Variants in LY96 observed in about 807,000 individuals in gnomAD.
LY96 encodes the protein myeloid differentiation protein-2.
In LY96, 18 loss-of-function variants were observed where a neutral mutation model predicts 18.9. The ratio of observed to expected loss-of-function variants is 0.95; its 90% CI spans 0.66 to 1.41. LY96 has a LOEUF of 1.41. Ranked by LOEUF, LY96 falls within the 40% of genes most tolerant of loss-of-function variation. The pLI, the probability that LY96 is intolerant of heterozygous loss-of-function variation, is 0.00. For missense variants in LY96, 175 were observed against 182.4 expected (o/e 0.96, Z 0.23); for synonymous variants, 66 against 62.6 (o/e 1.06, Z -0.26).
At chr8:74,089,873 A>G in the LY96 span, among the ~76,000 whole-genome samples, 1 of 152,116 alleles carries the variant, frequency 6.6e-6, no homozygotes, top group Non-Finnish European at 1.5e-5. Flanking sequence ...TGTGTCATGT[A>G]GGCATCTGAG....
At chr8:74,087,844 GT>G in the LY96 span, among the ~76,000 whole-genome samples, 1 of 152,096 alleles carries the variant, frequency 6.6e-6, no homozygotes, top group African/African-American at 2.4e-5. Flanking sequence ...CAAATTATTA[GT>G]TGGGCTCAAC....
intron 3 of LY96, among the ~76,000 whole-genome samples, chr8:74,024,637 G>T (rs1359554912): frequency 6.6e-6 from 1 of 151,958 alleles, no homozygotes; most frequent in African/African-American, 2.4e-5. Context: ...TAAGTGACTG[G>T]CCTAAAGTTA....
chr8:74,054,402 T>A, the LY96 span, among the ~76,000 whole-genome samples: 23 of 152,178 alleles, frequency 1.5e-4, no homozygotes, highest in Non-Finnish European at 2.4e-4. Context: ...GGAGGCTTAT[T>A]ATCTTATGCA....
the LY96 span, among the ~76,000 whole-genome samples, chr8:74,069,673 G>T: frequency 1.5e-4 from 23 of 152,046 alleles, no homozygotes; most frequent in Non-Finnish European, 3.4e-4. Context: ...TGCCATCTTG[G>T]CTCACTGCAA....
chr8:74,068,578 A>T, the LY96 span, among the ~76,000 whole-genome samples: 8 of 152,198 alleles, frequency 5.3e-5, no homozygotes, highest in African/African-American at 1.9e-4. Context: ...TCTCACCAGC[A>T]GTGTATGCTT....
intron 3 of LY96, among the ~76,000 whole-genome samples, chr8:74,013,117 C>A (rs936177201): frequency 6.6e-6 from 1 of 151,826 alleles, no homozygotes; most frequent in African/African-American, 2.4e-5. Context: ...TCACCATGTC[C>A]AGCTAATTTT....
chr8:74,043,594 A>C, the LY96 span, among the ~76,000 whole-genome samples: 7 of 152,120 alleles, frequency 4.6e-5, no homozygotes, highest in Non-Finnish European at 8.8e-5. Context: ...TCATTTTTTA[A>C]TTGGCCTTAT....
At chr8:74,071,696 A>G in the LY96 span, among the ~76,000 whole-genome samples, 1 of 152,188 alleles carries the variant, frequency 6.6e-6, no homozygotes, top group Non-Finnish European at 1.5e-5. Context: ...TTAAGCAAAA[A>G]TATGGTTTTA....
At chr8:74,001,537 A>T (rs1447243022) in intron 1 of LY96, among the ~76,000 whole-genome samples, 2 of 151,352 alleles carry the variant, frequency 1.3e-5, no homozygotes, top group African/African-American at 2.4e-5. Context: ...GCCTCTACAA[A>T]TTTTTTTTTA....
chr8:74,037,569 CT>C, the LY96 span, among the ~76,000 whole-genome samples: 1 of 152,216 alleles, frequency 6.6e-6, no homozygotes, highest in Non-Finnish European at 1.5e-5. Flanking sequence ...AAGTTTGAAG[CT>C]TCAGTGAAGC....
At chr8:74,079,284 T>G in the LY96 span, among the ~76,000 whole-genome samples, 3 of 152,252 alleles carry the variant, frequency 2.0e-5, no homozygotes, top group African/African-American at 7.2e-5. Context: ...AGCTTGCAGA[T>G]GCAGATTGTG....
At chr8:74,092,160 A>G in the LY96 span, among the ~76,000 whole-genome samples, 1 of 151,944 alleles carries the variant, frequency 6.6e-6, no homozygotes, top group Admixed American at 6.6e-5. Flanking sequence ...TTGTCATCTC[A>G]TGGGTGACAA....
At chr8:74,037,431 C>G in the LY96 span, among the ~76,000 whole-genome samples, 1 of 152,014 alleles carries the variant, frequency 6.6e-6, no homozygotes, top group Non-Finnish European at 1.5e-5. Flanking sequence ...GAATTCAAGA[C>G]CAGCCTGAGC....
chr8:74,036,244 A>G, the LY96 span, among the ~76,000 whole-genome samples: 1 of 152,232 alleles, frequency 6.6e-6, no homozygotes. Context: ...TGTAAAATTA[A>G]TGAAAGTCCA....
chr8:74,086,641 C>T, the LY96 span, among the ~76,000 whole-genome samples: 1 of 152,186 alleles, frequency 6.6e-6, no homozygotes, highest in Non-Finnish European at 1.5e-5. Flanking sequence ...ATGCTGTTTG[C>T]TTGAGCTTGG....
chr8:74,015,140 G>A (rs998863706), intron 3 of LY96, among the ~76,000 whole-genome samples: 1 of 152,094 alleles, frequency 6.6e-6, no homozygotes, highest in Non-Finnish European at 1.5e-5. Context: ...TTGGGCAGTG[G>A]AGGCTGCAGT....
intron 1 of LY96, among the ~76,000 whole-genome samples, chr8:74,002,123 CTCTCTCTCTT>C (rs1816309511): frequency 7.6e-6 from 1 of 131,242 alleles, no homozygotes; most frequent in African/African-American, 2.9e-5. Flanking sequence ...CTCTCTCTCT[CTCTCTCTCTT>C]TCTTTCCTTT....
At chr8:74,012,854 AG>A (rs1377720035) in intron 3 of LY96, among the ~76,000 whole-genome samples, 2 of 152,000 alleles carry the variant, frequency 1.3e-5, no homozygotes, top group Non-Finnish European at 2.9e-5. Context: ...TATTGTAAAA[AG>A]GTGTATGTAA....
the LY96 span, among the ~76,000 whole-genome samples, chr8:74,080,980 C>CTT: frequency 1.2e-4 from 15 of 126,814 alleles, no homozygotes; most frequent in Admixed American, 7.0e-4. Context: ...TTCTTTCTTT[C>CTT]TCTCTCTTTC....
Sources: gnomAD v4.1 joint callset for allele counts (sites outside exome capture counted in the v4.1 genomes callset) on GRCh38, gnomAD v4.1.1 for gene constraint, MANE v1.5 for transcripts, NCBI Gene and HGNC (gene_info 2026-07-23, HGNC 2026-07-21) for gene names.